Variants in THSD7B observed in about 807,000 individuals in gnomAD.
THSD7B encodes thrombospondin type 1 domain containing 7B, also known as thrombospondin type-1 domain-containing protein 7B.
A neutral mutation model predicts 213.6 loss-of-function variants in THSD7B; 138 were observed. The ratio of observed to expected loss-of-function variants is 0.65; its 90% CI spans 0.56 to 0.74. The LOEUF (loss-of-function observed/expected upper bound fraction) is 0.74, where lower values mean the gene tolerates loss of function less well. THSD7B is among the 30% of genes least tolerant of loss of function. THSD7B has a pLI of 0.00. For missense variants in THSD7B, 1,931 were observed against 1,991.5 expected (o/e 0.97, Z 0.58); for synonymous variants, 742 against 687.0 (o/e 1.08, Z -1.25).
intron 5 of THSD7B, among the ~76,000 whole-genome samples, chr2:137,141,078 G>A (rs1679576539): frequency 6.6e-6 from 1 of 152,160 alleles, no homozygotes; most frequent in Non-Finnish European, 1.5e-5. Context: ...TGTTCCCCAA[G>A]GAGGGTTTCT....
At chr2:137,630,241 G>A (rs983011415) in intron 20 of THSD7B, among the ~76,000 whole-genome samples, 8 of 152,134 alleles carry the variant, frequency 5.3e-5, no homozygotes, top group Non-Finnish European at 7.4e-5. Flanking sequence ...CAATCTGCCT[G>A]CCTCGGCCCC....
At chr2:136,785,680 A>G (rs898897319) in intron 1 of THSD7B, among the ~76,000 whole-genome samples, 4 of 152,194 alleles carry the variant, frequency 2.6e-5, no homozygotes, top group African/African-American at 9.6e-5. Flanking sequence ...CCTTGAGGCA[A>G]TGAGCAACTC....
chr2:137,209,522 T>G (rs1681055440), intron 7 of THSD7B, among the ~76,000 whole-genome samples: 1 of 152,070 alleles, frequency 6.6e-6, no homozygotes, highest in Non-Finnish European at 1.5e-5. Flanking sequence ...TAATTACTAT[T>G]ATAGCTATGA....
At chr2:137,509,436 T>C (rs567187708) in intron 15 of THSD7B, among the ~76,000 whole-genome samples, 8 of 152,212 alleles carry the variant, frequency 5.3e-5, no homozygotes, top group South Asian at 2.1e-4. Flanking sequence ...ATTTTAAGTA[T>C]ACAGCAAGAT....
At chr2:137,108,434 T>A (rs967973877) in intron 4 of THSD7B, among the ~76,000 whole-genome samples, 4 of 152,238 alleles carry the variant, frequency 2.6e-5, no homozygotes, top group African/African-American at 9.6e-5. Context: ...CAGCTATAAA[T>A]GCCTTCCTTC....
chr2:136,833,312 T>C lies in THSD7B; in HGVS notation c.-35-48832T>C, dbSNP rs370521206. ...CCTGGGAGGTGGAGCTCGCAGGAGC[T>C]GAGATAGTGCCACTGCAGTCTGGCC... On this transcript the variant is annotated intron_variant, in intron 1 of 27. Transcript: ENST00000409968. Among the ~76,000 whole-genome samples, 976 of 122,572 alleles carry C rather than the reference T, an allele frequency of 8.0e-3. 20 individuals are homozygous for C. The highest frequency in any genetic ancestry group is 0.029 in the African/African-American group (920 of 31,384). 80.4% of individuals were successfully genotyped at this position (122,572 alleles called of 152,430 possible).
intron 15 of THSD7B, among the ~76,000 whole-genome samples, chr2:137,541,156 A>G (rs978057413): frequency 3.3e-5 from 5 of 151,790 alleles, no homozygotes; most frequent in Non-Finnish European, 4.4e-5. Flanking sequence ...CATACATATC[A>G]TAGAGTTATT....
At chr2:137,538,088 T>A (rs1405837760) in intron 15 of THSD7B, among the ~76,000 whole-genome samples, 4 of 151,748 alleles carry the variant, frequency 2.6e-5, no homozygotes, top group Admixed American at 1.3e-4. Context: ...AAATAGCAAT[T>A]CTCATGTCTT....
At chr2:137,401,712 T>C (rs1289135210) in intron 12 of THSD7B, among the ~76,000 whole-genome samples, 1 of 151,362 alleles carries the variant, frequency 6.6e-6, no homozygotes, top group Non-Finnish European at 1.5e-5. Flanking sequence ...AGAGCTGTGG[T>C]CTTCAGGCTA....
intron 11 of THSD7B, 130 bp from the exon 12 acceptor site, chr2:137,275,793 G>A (rs1682855435): frequency 3.1e-6 from 2 of 640,774 alleles, no homozygotes; most frequent in African/African-American, 1.9e-5. Context: ...TTGGTTTTAT[G>A]ACATTGATTT....
intron 15 of THSD7B, among the ~76,000 whole-genome samples, chr2:137,538,012 A>G (rs1305252665): frequency 6.6e-6 from 1 of 151,750 alleles, no homozygotes; most frequent in Non-Finnish European, 1.5e-5. Context: ...GGGGACCAGT[A>G]GGGACAAGTG....
intron 2 of THSD7B, among the ~76,000 whole-genome samples, chr2:136,918,968 A>G (rs62172339): frequency 0.11 from 17,033 of 152,170 alleles, 1,086 homozygotes; most frequent in East Asian, 0.15. Context: ...GTGACTTTGT[A>G]TGCTCTTCAT....
intron 15 of THSD7B, among the ~76,000 whole-genome samples, chr2:137,470,153 C>T (rs1177337479): frequency 6.6e-6 from 1 of 152,242 alleles, no homozygotes; most frequent in South Asian, 2.1e-4. Context: ...ATGCCCAATG[C>T]CCATATTGCT....
intron 3 of THSD7B, among the ~76,000 whole-genome samples, chr2:137,089,512 A>G (rs907818796): frequency 6.6e-6 from 1 of 151,780 alleles, no homozygotes; most frequent in East Asian, 1.9e-4. Flanking sequence ...ATTCACAGTG[A>G]CCTGGATGAG....
At chr2:137,388,600 C>T (rs1338539806) in intron 12 of THSD7B, among the ~76,000 whole-genome samples, 1 of 152,068 alleles carries the variant, frequency 6.6e-6, no homozygotes, top group Admixed American at 6.6e-5. Flanking sequence ...TCTTATCAAA[C>T]ATTAGAACTC....
At position 137,513,760 on chromosome 2, in the gene THSD7B, G is replaced by A. The variant is rs190985547; in HGVS notation, c.3139-49461G>A. 3.3e-5 allele frequency among the ~76,000 whole-genome samples: 5 copies of A among 152,296 alleles called. No individual in the cohort carries two copies. In the East Asian group the frequency reaches 9.7e-4, roughly 29 times the overall value. On this transcript the variant is annotated intron_variant, in intron 15 of 27. Transcript: ENST00000409968. The stretch of plus-strand genomic sequence containing the variant: ...TATTCTGGAACCTGATTCTTATTCA[G>A]AAGTTGTCCAGACAACCAGGAGAGT...
At chr2:137,040,390 C>A (rs536353651) in intron 2 of THSD7B, among the ~76,000 whole-genome samples, 191 of 121,356 alleles carry the variant, frequency 1.6e-3, no homozygotes, top group Admixed American at 3.6e-3. Flanking sequence ...CTCTTTCTTT[C>A]TTCCTCTTCT....
chr2:137,109,191 CA>C (rs1688304278), intron 4 of THSD7B, among the ~76,000 whole-genome samples: 1 of 152,172 alleles, frequency 6.6e-6, no homozygotes, highest in East Asian at 1.9e-4. Context: ...CTGGCTCCCA[CA>C]GCCTATTACT....
chr2:137,498,233 C>T (rs1481707514), intron 15 of THSD7B, among the ~76,000 whole-genome samples: 1 of 152,048 alleles, frequency 6.6e-6, no homozygotes, highest in East Asian at 1.9e-4. Context: ...TTATTGAGCT[C>T]CCCATCATGT....
Sources: allele counts gnomAD v4.1 joint callset (sites outside exome capture counted in the v4.1 genomes callset), GRCh38; gene constraint gnomAD v4.1.1; transcripts MANE v1.5; gene names NCBI Gene and HGNC (gene_info 2026-07-23, HGNC 2026-07-21).